The following DNAH3 variants were observed in gnomAD, a reference collection of about 807,000 sequenced individuals.
The protein encoded by DNAH3 is axonemal beta dynein heavy chain 3.
In DNAH3, 332 loss-of-function variants were observed where a neutral mutation model predicts 432.5. The observed-to-expected ratio is 0.77, with a 90% CI of 0.70 to 0.84. The LOEUF (loss-of-function observed/expected upper bound fraction) is 0.84, where lower values mean the gene tolerates loss of function less well. Ranked by LOEUF, DNAH3 falls within the 40% of genes least tolerant of loss-of-function variation. The pLI is 0.00. For synonymous variants in DNAH3, 1,956 were observed against 1,900.2 expected, an observed-to-expected ratio of 1.03 and a Z score of -0.76; for missense variants, 4,861 against 5,114.0, an observed-to-expected ratio of 0.95 and a Z score of 1.51.
At chr16:21,091,641 C>T (rs1420894845) in intron 18 of DNAH3, among the ~76,000 whole-genome samples, 2 of 151,982 alleles carry the variant, frequency 1.3e-5, no homozygotes, top group African/African-American at 2.4e-5. Context: ...CATGGTGAAA[C>T]CCTGTCTCTA....
chr16:21,128,640 CAGG>C (rs2092490167), intron 7 of DNAH3, among the ~76,000 whole-genome samples: 1 of 150,340 alleles, frequency 6.7e-6, no homozygotes, highest in Non-Finnish European at 1.5e-5. Flanking sequence ...CTTGCAGTGA[CAGG>C]AGATCACGCC....
chr16:21,049,771 T>C (rs1453031070), intron 30 of DNAH3, 89 bp from the exon 31 acceptor site: 2 of 1,377,864 alleles, frequency 1.5e-6, no homozygotes, highest in African/African-American at 2.9e-5. Flanking sequence ...TGGGCTCCTC[T>C]CTCCTTGCTC....
At chr16:21,112,154 A>G (rs2092091342) in intron 12 of DNAH3, 56 bp from the exon 13 acceptor site, 1 of 1,232,714 alleles carries the variant, frequency 8.1e-7, no homozygotes, top group Non-Finnish European at 1.2e-6. Flanking sequence ...ACCAAATCAG[A>G]TGAGTCAGAG....
intron 27 of DNAH3, 102 bp downstream of exon 27, chr16:21,057,984 A>AT: frequency 1.3e-6 from 1 of 775,608 alleles, no homozygotes; most frequent in Non-Finnish European, 2.3e-6. Flanking sequence ...AGACCAAATG[A>AT]TTTTTGTTTA....
At chr16:21,146,061 TGTGATGTATGGA>T in exon 2 of DNAH3, 1 of 1,613,554 alleles carries the variant, frequency 6.2e-7, no homozygotes, top group Non-Finnish European at 8.5e-7. Context: ...GAGTGGCTCA[TGTGATGTATGGA>T]GTCACTTTTG....
chr16:21,153,854 C>T (rs2092880461), intron 1 of DNAH3, among the ~76,000 whole-genome samples: 1 of 152,226 alleles, frequency 6.6e-6, no homozygotes, highest in Non-Finnish European at 1.5e-5. Context: ...CTTCCATTTT[C>T]CCCCTTTTTC....
At position 21,024,583 on chromosome 16, in the gene DNAH3, C is replaced by G; in HGVS notation, c.5646+13G>C. The G allele has an allele frequency of 1.3e-6, 2 of 1,594,646 alleles. No individual in the cohort carries two copies. Among genetic ancestry groups the G allele is most frequent in the Non-Finnish European group, 1.7e-6 (2 of 1,169,682 alleles). On this transcript the variant is annotated intron_variant, in intron 39 of 61. Transcript: ENST00000261383. ...GACAGCAGGAGGGGAAGGAAAGGGTCTGAGGGGCTCACCAATTCTTTGTGC... is the reference window on the plus strand; with the variant it reads ...GACAGCAGGAGGGGAAGGAAAGGGTGTGAGGGGCTCACCAATTCTTTGTGC...
intron 19 of DNAH3, among the ~76,000 whole-genome samples, chr16:21,084,006 C>A (rs529568180): frequency 6.6e-6 from 1 of 152,270 alleles, no homozygotes; most frequent in Non-Finnish European, 1.5e-5. Flanking sequence ...TTTACTGCCC[C>A]CTACTGCCCG....
At chr16:20,972,975 T>A (rs918221681) in intron 51 of DNAH3, among the ~76,000 whole-genome samples, 1 of 152,102 alleles carries the variant, frequency 6.6e-6, no homozygotes, top group African/African-American at 2.4e-5. Flanking sequence ...GTGATGCACC[T>A]GCCTCAGCCT....
chr16:21,140,632 G>A lies in DNAH3; in HGVS notation c.600C>T (p.Ser200=). ...GCTGCTGTTCTGGACTCATTGGTCT[G>A]CTTCCTGGGAACGTCAAAGATGTCT... is the stretch of plus-strand genomic sequence containing the variant. Residue 200 remains serine, a synonymous_variant, in exon 5 of 62, where the codon AGC becomes AGT. Coordinates refer to ENST00000261383, the Ensembl canonical transcript of DNAH3. The A allele has an allele frequency of 1.9e-6, 3 of 1,614,122 alleles. No homozygotes were observed. The South Asian group carries it at 3.3e-5, about 18-fold the overall frequency.
Position 21,081,084 on chromosome 16 carries a change from G to C in DNAH3, c.2969+552C>G, listed in dbSNP as rs112953384. ...AGGCATGTGCCACCATGCCTGGCTAGCTTTTGTATTTTTAGTAGAAACGGG... is the reference window on the plus strand; with the variant it reads ...AGGCATGTGCCACCATGCCTGGCTACCTTTTGTATTTTTAGTAGAAACGGG... On this transcript the variant is annotated intron_variant, in intron 20 of 61. Coordinates refer to ENST00000261383, the Ensembl canonical transcript of DNAH3. 3.8e-3 allele frequency among the ~76,000 whole-genome samples: 585 copies of C among 151,970 alleles called. 4 individuals carry two copies. Among genetic ancestry groups the C allele is most frequent in the African/African-American group, 0.013 (554 of 41,454 alleles).
intron 21 of DNAH3, among the ~76,000 whole-genome samples, chr16:21,073,029 A>C (rs2090849939): frequency 6.6e-6 from 1 of 152,020 alleles, no homozygotes; most frequent in African/African-American, 2.4e-5. Context: ...GTGTGCCTTA[A>C]AGGCCAGGCC....
intron 8 of DNAH3, among the ~76,000 whole-genome samples, chr16:21,126,113 G>C (rs2092440806): frequency 6.6e-6 from 1 of 152,216 alleles, no homozygotes. Context: ...GCAGTGAGCT[G>C]AGATTGTGCC....
chr16:21,151,775 C>T (rs2092855529), intron 1 of DNAH3, among the ~76,000 whole-genome samples: 3 of 152,066 alleles, frequency 2.0e-5, no homozygotes, highest in South Asian at 2.1e-4. Context: ...TATTAGCTGC[C>T]GCCCGAATAT....
rs758485429 is a variant in DNAH3, at chr16:20,984,192, C to T, written c.7665+885G>A. Among the ~76,000 whole-genome samples the T allele has an allele frequency of 3.4e-5, 5 of 148,842 alleles. No homozygotes were observed. The East Asian group carries it at 7.8e-4, about 23-fold the overall frequency. Reference sequence around the variant, plus strand: ...GTGTGTGTGTGTGTATATGTGTGCACGTGTGCGCATGCGTGCGTGTGTGTG... The same window carrying T: ...GTGTGTGTGTGTGTATATGTGTGCATGTGTGCGCATGCGTGCGTGTGTGTG... On this transcript the variant is annotated intron_variant, in intron 48 of 61. Coordinates refer to ENST00000261383, the Ensembl canonical transcript of DNAH3.
chr16:21,030,600 C>T (rs1025701272), intron 37 of DNAH3, among the ~76,000 whole-genome samples: 1 of 152,064 alleles, frequency 6.6e-6, no homozygotes, highest in Non-Finnish European at 1.5e-5. Flanking sequence ...TGTTTTAAGC[C>T]GTTAAGTATT....
intron 9 of DNAH3, among the ~76,000 whole-genome samples, chr16:21,123,459 G>A (rs1167292572): frequency 6.6e-6 from 1 of 152,118 alleles, no homozygotes; most frequent in Non-Finnish European, 1.5e-5. Context: ...TGGAATTTTA[G>A]AGTGAGATTG....
At chr16:21,151,078 T>C (rs1284936190) in intron 1 of DNAH3, among the ~76,000 whole-genome samples, 1 of 151,762 alleles carries the variant, frequency 6.6e-6, no homozygotes, top group Non-Finnish European at 1.5e-5. Flanking sequence ...AAGCACAGAG[T>C]ATGGTGGTTA....
At chr16:21,125,044 T>C (rs1567833788) in intron 9 of DNAH3, 131 bp downstream of exon 10, 3 of 643,302 alleles carry the variant, frequency 4.7e-6, no homozygotes, top group Non-Finnish European at 5.1e-6. Flanking sequence ...AACTGCCTGA[T>C]GTGGGTGGAA....
Sources: allele counts gnomAD v4.1 joint callset (sites outside exome capture counted in the v4.1 genomes callset), GRCh38; gene constraint gnomAD v4.1.1; transcripts MANE v1.5; gene names NCBI Gene and HGNC (gene_info 2026-07-23, HGNC 2026-07-21).